The following SLCO3A1 variants were observed in gnomAD, a reference collection of about 807,000 sequenced individuals.
SLCO3A1 encodes solute carrier organic anion transporter family member 3A1.
In SLCO3A1, 27 loss-of-function variants were observed where a neutral mutation model predicts 63.1. That is an observed-to-expected ratio of 0.43 (90% CI 0.32 to 0.59). The LOEUF is 0.59. SLCO3A1 is among the 20% of genes least tolerant of loss of function. The pLI is 0.09. For synonymous variants in SLCO3A1, 473 were observed against 409.9 expected, an observed-to-expected ratio of 1.15 and a Z score of -1.86; for missense variants, 773 against 945.8, an observed-to-expected ratio of 0.82 and a Z score of 2.40.
chr15:91,916,284 G>T lies in SLCO3A1; in HGVS notation c.472G>T (p.Asp158Tyr). The change falls in exon 2 of 10, where the codon GAC becomes TAC. Residue 158 changes from aspartate to tyrosine, a missense_variant. By Grantham distance (160) the Asp-to-Tyr change is radical. Coordinates refer to ENST00000318445, the MANE Select transcript of SLCO3A1 (RefSeq NM_013272.4). This position sits in a 1 kb window ranked among gnomAD's most constrained non-coding sequence, Gnocchi z 6.2. The part of the protein sequence containing the change: ...DVCAANGSGG[D>Y]EGPDPDLICR... ...CTGCGCAGCCAACGGCTCGGGCGGC[G>T]ACGAGGGGCCCGACCCCGACCTCAT... The T allele has an allele frequency of 6.4e-7, 1 of 1,553,852 alleles. No individual in the cohort carries two copies. Among genetic ancestry groups the T allele is most frequent in the African/African-American group, 1.4e-5 (1 of 73,308 alleles).
intron 4 of SLCO3A1, among the ~76,000 whole-genome samples, chr15:92,115,175 A>G (rs999876586): frequency 2.6e-5 from 4 of 152,058 alleles, no homozygotes; most frequent in African/African-American, 9.7e-5. Context: ...GGCAACTTCA[A>G]TTCCGGGGAA....
intron 1 of SLCO3A1, among the ~76,000 whole-genome samples, chr15:91,873,229 T>C (rs1032571695): frequency 1.3e-5 from 2 of 152,196 alleles, no homozygotes; most frequent in Non-Finnish European, 2.9e-5. Flanking sequence ...AAGATGCTGA[T>C]GGGAGAGCCA....
At chr15:92,119,039 A>G (rs542058845) in intron 4 of SLCO3A1, among the ~76,000 whole-genome samples, 1 of 152,342 alleles carries the variant, frequency 6.6e-6, no homozygotes, top group South Asian at 2.1e-4. Context: ...TCGATGTATC[A>G]GCTGTATTTC....
chr15:92,145,390 T>C (rs2048208122), intron 7 of SLCO3A1, among the ~76,000 whole-genome samples: 1 of 151,082 alleles, frequency 6.6e-6, no homozygotes, highest in African/African-American at 2.4e-5. Context: ...GGAAGGTTCG[T>C]TCTCATGTGT....
intron 2 of SLCO3A1, among the ~76,000 whole-genome samples, chr15:92,059,916 G>T (rs1349037958): frequency 6.6e-6 from 1 of 152,158 alleles, no homozygotes; most frequent in African/African-American, 2.4e-5. Flanking sequence ...CACAAACTCA[G>T]ATGGTGTATC....
At chr15:91,893,178 A>G (rs1186612388) in intron 1 of SLCO3A1, among the ~76,000 whole-genome samples, 1 of 152,214 alleles carries the variant, frequency 6.6e-6, no homozygotes, top group Non-Finnish European at 1.5e-5. Flanking sequence ...TGTGGGTAGT[A>G]TGATTAAAGA....
chr15:92,072,866 CT>C (rs930858258), intron 2 of SLCO3A1, among the ~76,000 whole-genome samples: 1 of 152,178 alleles, frequency 6.6e-6, no homozygotes, highest in Non-Finnish European at 1.5e-5. Context: ...TGCAAAGACC[CT>C]TTTTCCAAAT....
At chr15:92,155,732 CCCAA>C (rs1474926913) in intron 9 of SLCO3A1, among the ~76,000 whole-genome samples, 4 of 152,094 alleles carry the variant, frequency 2.6e-5, no homozygotes, top group Non-Finnish European at 4.4e-5. Flanking sequence ...TTGAGATCCC[CCCAA>C]CCCAACCGAC....
intron 4 of SLCO3A1, among the ~76,000 whole-genome samples, chr15:92,120,095 A>AT (rs978818844): frequency 3.3e-5 from 5 of 150,724 alleles, no homozygotes; most frequent in African/African-American, 4.9e-5. Flanking sequence ...ACACACACAC[A>AT]TTTTTTTTTC....
At chr15:91,927,115 G>A (rs1290117554) in intron 2 of SLCO3A1, among the ~76,000 whole-genome samples, 2 of 152,058 alleles carry the variant, frequency 1.3e-5, no homozygotes, top group East Asian at 3.9e-4. Flanking sequence ...CAACTGTGGT[G>A]AAAAGTCAGA....
intron 2 of SLCO3A1, among the ~76,000 whole-genome samples, chr15:91,960,459 T>G (rs1900403119): frequency 6.6e-6 from 1 of 152,188 alleles, no homozygotes; most frequent in South Asian, 2.1e-4. Flanking sequence ...GTATACACAT[T>G]TGGTGTGGAC....
chr15:91,889,302 G>T (rs1897811633), intron 1 of SLCO3A1: 1 of 476,902 alleles, frequency 2.1e-6, no homozygotes, highest in Non-Finnish European at 4.0e-6. Context: ...GCACCTGTAG[G>T]CCTCTGCTAT....
At chr15:92,099,351 T>G (rs925620779) in intron 3 of SLCO3A1, among the ~76,000 whole-genome samples, 8 of 152,148 alleles carry the variant, frequency 5.3e-5, no homozygotes, top group Non-Finnish European at 1.2e-4. Context: ...CTGTCTCCAG[T>G]TTCTAATTAG....
intron 2 of SLCO3A1, among the ~76,000 whole-genome samples, chr15:91,945,211 G>A (rs56000392): frequency 2.0e-5 from 3 of 151,908 alleles, no homozygotes; most frequent in Non-Finnish European, 2.9e-5. Context: ...GCATGGTGGC[G>A]TGTGCCTGTA....
At chr15:91,926,265 AAAAC>A (rs1294313080) in intron 2 of SLCO3A1, among the ~76,000 whole-genome samples, 1 of 152,206 alleles carries the variant, frequency 6.6e-6, no homozygotes, top group African/African-American at 2.4e-5. Flanking sequence ...CTACCTATCA[AAAAC>A]AAACAAAAGT....
chr15:91,951,505 C>A (rs1899997651), intron 2 of SLCO3A1, among the ~76,000 whole-genome samples: 1 of 151,780 alleles, frequency 6.6e-6, no homozygotes, highest in African/African-American at 2.4e-5. Context: ...ATGAATAAGG[C>A]TCCTCCGATC....
At chr15:91,987,242 T>C (rs550255179) in intron 2 of SLCO3A1, among the ~76,000 whole-genome samples, 6 of 152,262 alleles carry the variant, frequency 3.9e-5, no homozygotes, top group Admixed American at 2.6e-4. Flanking sequence ...AGGGGGAGCA[T>C]ACATCTGCCT....
chr15:92,156,655 A>G (rs1184866499), intron 9 of SLCO3A1, among the ~76,000 whole-genome samples: 1 of 152,256 alleles, frequency 6.6e-6, no homozygotes, highest in African/African-American at 2.4e-5. Context: ...TTGCTGAAGC[A>G]GAGAACTCAT....
At chr15:91,869,204 C>T (rs776530561) in intron 1 of SLCO3A1, among the ~76,000 whole-genome samples, 1 of 151,496 alleles carries the variant, frequency 6.6e-6, no homozygotes, top group African/African-American at 2.4e-5. Context: ...AGTTTGAGAC[C>T]AGCCTGGGCA....
Sources: gnomAD v4.1 joint callset for allele counts (sites outside exome capture counted in the v4.1 genomes callset) on GRCh38, gnomAD v4.1.1 for gene constraint, Gnocchi (gnomAD v3.1) non-coding constraint, MANE v1.5 for transcripts, NCBI Gene and HGNC (gene_info 2026-07-23, HGNC 2026-07-21) for gene names.